DHRSX: variants seen among roughly 807,000 people sequenced by gnomAD.
DHRSX encodes polyprenol dehydrogenase.
DHRSX carries 31 observed loss-of-function variants against 34.0 expected under a neutral mutation model. That is an observed-to-expected ratio of 0.91 (90% CI 0.69 to 1.23). DHRSX has a LOEUF of 1.23. DHRSX is among the 50% of genes most tolerant of loss of function. The pLI is 0.00. For missense variants in DHRSX, 414 were observed against 428.1 expected (o/e 0.97, Z 0.29); for synonymous variants, 201 against 183.8 (o/e 1.09, Z -0.76).
chrX:2,366,061 A>T (rs2042991289), intron 3 of DHRSX, among the ~76,000 whole-genome samples: 1 of 152,136 alleles, frequency 6.6e-6, no homozygotes, highest in Non-Finnish European at 1.5e-5. Flanking sequence ...CGGCCAATTT[A>T]TCACAAACCC....
chrX:2,492,510 G>A (rs1165294002), intron 1 of DHRSX, among the ~76,000 whole-genome samples: 1 of 152,168 alleles, frequency 6.6e-6, no homozygotes, highest in Admixed American at 6.5e-5. Context: ...CCCAGGATGT[G>A]GAATGAGATC....
At chrX:2,489,671 C>A in intron 1 of DHRSX, 1 of 1,612,418 alleles carries the variant, frequency 6.2e-7, no homozygotes, top group Non-Finnish European at 8.5e-7. Context: ...CCAGGAGACG[C>A]GGTTGCTCAC....
intron 4 of DHRSX, among the ~76,000 whole-genome samples, chrX:2,282,783 G>GGA (rs1347754091): frequency 0.017 from 746 of 45,172 alleles, 26 homozygotes; most frequent in African/African-American, 0.033. Flanking sequence ...GGAGGGAGGG[G>GGA]GAGAGAGAGA....
chrX:2,271,045 C>T (rs1367980269), intron 4 of DHRSX, among the ~76,000 whole-genome samples: 1 of 152,208 alleles, frequency 6.6e-6, no homozygotes, highest in Non-Finnish European at 1.5e-5. Flanking sequence ...CTTGTGTCCC[C>T]TTCCACGTTG....
intron 3 of DHRSX, among the ~76,000 whole-genome samples, chrX:2,318,502 C>G (rs762372166): frequency 6.6e-6 from 1 of 151,830 alleles, no homozygotes; most frequent in East Asian, 1.9e-4. Flanking sequence ...ACCAAGATGG[C>G]GACGAGACTG....
rs149396512 is a variant in DHRSX at position 2,274,732 on chromosome X, C to T, written c.389-7785G>A. On this transcript the variant is annotated intron_variant, in intron 4 of 6. Coordinates refer to ENST00000334651, the MANE Select transcript of DHRSX (RefSeq NM_145177.3). The stretch of plus-strand genomic sequence containing the variant: ...AGGTGTGAGCCACCGCGCCCGGCCA[C>T]GCACCCGTATTTTAAACCACAGTGT... 1.7e-3 allele frequency among the ~76,000 whole-genome samples: 252 copies of T among 152,002 alleles called. 1 individual carries two copies. The highest frequency in any genetic ancestry group is 5.7e-3 in the African/African-American group (237 of 41,470).
At chrX:2,265,889 A>G (rs1483597657) in intron 5 of DHRSX, among the ~76,000 whole-genome samples, 13 of 102,450 alleles carry the variant, frequency 1.3e-4, no homozygotes, top group East Asian at 3.6e-4. Flanking sequence ...CTCGGCGGAC[A>G]CAGGGAGCAC....
At chrX:2,359,826 C>G (rs932634030) in intron 3 of DHRSX, among the ~76,000 whole-genome samples, 2 of 152,018 alleles carry the variant, frequency 1.3e-5, no homozygotes, top group Non-Finnish European at 2.9e-5. Context: ...GTAGGAACAG[C>G]AAAACCAAAT....
rs140025779 is a variant in DHRSX at position 2,425,223 on chromosome X, G to A, written c.191C>T (p.Ala64Val). 3.1e-5 allele frequency: 50 copies of A among 1,613,334 alleles called. No homozygotes were observed. Among genetic ancestry groups the A allele is most frequent in the Middle Eastern group, 1.7e-4 (1 of 6,052 alleles). The change falls in exon 2 of 7, where the codon GCG (alanine) becomes GTG (valine). Residue 64 changes from alanine to valine, a missense_variant. Ala to Val is a moderately conservative substitution (Grantham distance 64). Transcript: ENST00000334651. ...TATGATAACATGCATGCCAAGTCTC[G>A]CCAGATGCTTCGCTGTAGAATAGCC... ...GIGYSTAKHLARLGMHVIIAG... is the reference protein window; with the variant it reads ...GIGYSTAKHLVRLGMHVIIAG...
chrX:2,342,642 G>C (rs1440856497), intron 3 of DHRSX, among the ~76,000 whole-genome samples: 3 of 152,132 alleles, frequency 2.0e-5, no homozygotes, highest in Non-Finnish European at 4.4e-5. Context: ...GGATGCCTGG[G>C]CTGGCCCAAG....
Position 2,500,916 on chromosome X carries a change from A to C in DHRSX, c.10T>G (p.Leu4Val). 5.5e-6 allele frequency: 6 copies of C among 1,088,418 alleles called. No homozygotes were observed. Among genetic ancestry groups the C allele is most frequent in the Middle Eastern group, 4.1e-4 (1 of 2,450 alleles). The allele number at this position is 1,088,418 out of a possible 1,614,324, so 67.4% of individuals were successfully genotyped here. A position where few individuals can be genotyped will look rare whatever the true frequency, so the allele number is the denominator to read the frequency against. ...CGCAGGGCCGCCCGCGCCGCAGACA[A>C]TGGCGACATGGCTGCCCCGGCCGCG... The part of the protein sequence containing the change: MSP[L>V]SAARAALRVY... Residue 4 changes from leucine (L) to valine (V), a missense_variant, in exon 1 of 7, where the codon TTG becomes GTG. Coordinates refer to ENST00000334651, the MANE Select transcript of DHRSX (RefSeq NM_145177.3).
At chrX:2,457,148 A>C (rs1443683131) in intron 1 of DHRSX, among the ~76,000 whole-genome samples, 4 of 152,166 alleles carry the variant, frequency 2.6e-5, no homozygotes, top group East Asian at 1.9e-4. Context: ...ACTCAGAAGA[A>C]AGTGGCCAAG....
chrX:2,234,085 TCTCTG>T (rs1159061720), intron 6 of DHRSX, among the ~76,000 whole-genome samples: 11 of 152,230 alleles, frequency 7.2e-5, no homozygotes, highest in Admixed American at 7.2e-4. Flanking sequence ...CTCCCTTCTT[TCTCTG>T]CTTTGCTATC....
At chrX:2,250,962 G>A (rs181324598) in intron 5 of DHRSX, among the ~76,000 whole-genome samples, 2 of 152,226 alleles carry the variant, frequency 1.3e-5, no homozygotes, top group East Asian at 3.9e-4. Flanking sequence ...TGGAAAGCTC[G>A]TACCCGGGAA....
intron 5 of DHRSX, among the ~76,000 whole-genome samples, chrX:2,262,923 C>T (rs773649239): frequency 2.2e-4 from 33 of 152,360 alleles, no homozygotes; most frequent in South Asian, 2.1e-4. Flanking sequence ...GCCCTCCCTT[C>T]GTTACATCCT....
chrX:2,443,380 A>G (rs191689396), intron 1 of DHRSX, among the ~76,000 whole-genome samples: 65 of 151,982 alleles, frequency 4.3e-4, no homozygotes, highest in South Asian at 2.3e-3. Flanking sequence ...CAGATATCCT[A>G]AGATTCTTAC....
chrX:2,444,982 C>T (rs1048405934), intron 1 of DHRSX, among the ~76,000 whole-genome samples: 25 of 152,186 alleles, frequency 1.6e-4, no homozygotes, highest in African/African-American at 5.8e-4. Flanking sequence ...CATGGAGAAA[C>T]CCCGTCTCTA....
At chrX:2,420,338 G>A (rs1428801398) in intron 2 of DHRSX, among the ~76,000 whole-genome samples, 1 of 151,920 alleles carries the variant, frequency 6.6e-6, no homozygotes, top group Non-Finnish European at 1.5e-5. Context: ...AACCCGGGAG[G>A]CAGAGTTTGC....
chrX:2,490,425 G>A (rs768542462), intron 1 of DHRSX: 4 of 1,613,962 alleles, frequency 2.5e-6, no homozygotes, highest in Non-Finnish European at 1.7e-6. Context: ...GACGACTCGG[G>A]CTTCAGCTTG....
Sources: allele counts gnomAD v4.1 joint callset (sites outside exome capture counted in the v4.1 genomes callset), GRCh38; gene constraint gnomAD v4.1.1; transcripts MANE v1.5; gene names NCBI Gene and HGNC (gene_info 2026-07-23, HGNC 2026-07-21).